The following DDR1 variants were observed in gnomAD, a reference collection of about 807,000 sequenced individuals.
DDR1 encodes epithelial discoidin domain-containing receptor 1.
In DDR1, 64 loss-of-function variants were observed where a neutral mutation model predicts 97.4. The observed-to-expected ratio is 0.66, with a 90% CI of 0.54 to 0.81. DDR1 has a LOEUF of 0.81. Ranked by LOEUF, DDR1 falls within the 30% of genes least tolerant of loss-of-function variation. DDR1 has a pLI of 0.00. For synonymous variants in DDR1, 458 were observed against 503.7 expected (o/e 0.91, Z 1.21); for missense variants, 990 against 1,259.6 (o/e 0.79, Z 3.24).
In DDR1 at chr6:30,889,098, G is replaced by T; in HGVS notation, c.188+88G>T. ...CCCTCCAACCCCTCTGCCCATGCCA[G>T]TGAAACCCCTGCAGGCTGAGGGGGC... On this transcript the variant is annotated intron_variant, in intron 3 of 17. Transcript: ENST00000376568. The surrounding 1 kb of genome is among the most constrained non-coding windows in gnomAD (Gnocchi z 4.9). The T allele has an allele frequency of 6.3e-7, 1 of 1,582,268 alleles. No individual in the cohort carries two copies. The highest frequency in any genetic ancestry group is 8.7e-7 in the Non-Finnish European group (1 of 1,153,304).
chr6:30,889,196 C>T lies in DDR1; in HGVS notation c.189-6C>T. On this transcript the variant is annotated splice_polypyrimidine_tract_variant and splice_region_variant and intron_variant, in intron 3 of 17. Transcript: ENST00000376568. This position sits in a 1 kb window ranked among gnomAD's most constrained non-coding sequence, Gnocchi z 4.9. The stretch of plus-strand genomic sequence containing the variant: ...AGATGTTCTCTGTGCCCCTCTTCAC[C>T]CTCAGGTTGGAGAGCAGTGACGGGG... 1 of 1,612,926 alleles carries T rather than the reference C, an allele frequency of 6.2e-7. No homozygotes were observed. Among genetic ancestry groups the T allele is most frequent in the Non-Finnish European group, 8.5e-7 (1 of 1,179,914 alleles).
Position 30,899,286 on chromosome 6 carries a change from A to G in DDR1, c.2732A>G (p.Asn911Ser), listed in dbSNP as rs758691978. ...CGGTTCCTGGCAGAGGATGCACTCA[A>G]CACGGTGTGAATCACACATCCAGCT... ...LHRFLAEDALNTV is the reference protein window; with the variant it reads ...LHRFLAEDALSTV The change falls in exon 18 of 18, where the codon AAC (asparagine) becomes AGC (serine). Residue 911 changes from asparagine (N) to serine (S), a missense_variant. Asn to Ser is a conservative substitution (Grantham distance 46, BLOSUM62 1). Transcript: ENST00000376568. 1.2e-6 allele frequency: 2 copies of G among 1,610,616 alleles called. No individual in the cohort carries two copies. Among genetic ancestry groups the G allele is most frequent in the Non-Finnish European group, 1.7e-6 (2 of 1,177,476 alleles).
At position 30,889,567 on chromosome 6, in the gene DDR1, A is replaced by G. The variant is rs1787245524; in HGVS notation, c.417+137A>G. On this transcript the variant is annotated intron_variant, in intron 4 of 17. Transcript: ENST00000376568. The surrounding 1 kb of genome is among the most constrained non-coding windows in gnomAD (Gnocchi z 4.9). ...AAGCCTCTCAGCTGAGCTCCAAACA[A>G]TATTGTAAACCTGGCCACCTTTTGG... The G allele has an allele frequency of 3.2e-6, 2 of 622,396 alleles. No individual in the cohort carries two copies. Among genetic ancestry groups the G allele is most frequent in the East Asian group, 3.2e-5 (1 of 31,374 alleles). The allele number at this position is 622,396 out of a possible 1,614,324, so 38.6% of individuals were successfully genotyped here.
At position 30,893,417 on chromosome 6, in the gene DDR1, C is replaced by G; in HGVS notation, c.1341C>G (p.Leu447=). 6.2e-7 allele frequency: 1 copy of G among 1,603,132 alleles called. No homozygotes were observed. The highest frequency in any genetic ancestry group is 8.5e-7 in the Non-Finnish European group (1 of 1,179,416). Residue 447 remains leucine (L), a synonymous_variant, in exon 10 of 18, where the codon CTC becomes CTG. Coordinates refer to ENST00000376568, the MANE Select transcript of DDR1 (RefSeq NM_001297654.2). ...MLWRLHWRRL[L]SKAERRVLEE... ...GGCGGCTGCACTGGCGCAGGCTCCT[C>G]AGCAAGGTGGGCACAGCCGTGGCAT...
chr6:30,892,399 G>A lies in DDR1; in HGVS notation c.956G>A (p.Arg319His), dbSNP rs2150356441. 2.5e-6 allele frequency: 4 copies of A among 1,598,832 alleles called. No homozygotes were observed. The highest frequency in any genetic ancestry group is 2.6e-6 in the Non-Finnish European group (3 of 1,176,042). Residue 319 changes from arginine to histidine, a missense_variant, in exon 8 of 18, where the codon CGC becomes CAC. Physicochemically the swap from Arg to His is conservative, Grantham distance 29 (BLOSUM62 0). Transcript: ENST00000376568. The stretch of plus-strand genomic sequence containing the variant: ...ATGGCCTGGGAGGGGGAGCCCATGC[G>A]CCACAACCTAGGGGGCAACCTGGGG... ...PAMAWEGEPM[R>H]HNLGGNLGDP...
At chr6:30,893,580 A>C (rs888828917) in intron 10 of DDR1, among the ~76,000 whole-genome samples, 157 bp downstream of exon 10, 2 of 152,244 alleles carry the variant, frequency 1.3e-5, no homozygotes, top group Non-Finnish European at 2.9e-5. Flanking sequence ...TATGGGGCTC[A>C]CAGGGAGGGC....
intron 1 of DDR1, among the ~76,000 whole-genome samples, chr6:30,887,847 A>C (rs911380514): frequency 6.6e-6 from 1 of 152,080 alleles, no homozygotes; most frequent in Non-Finnish European, 1.5e-5. Flanking sequence ...TGATCCTCCC[A>C]TCTCGGCCTC....
chr6:30,897,748 G>C lies in DDR1; in HGVS notation c.2216+151G>C, dbSNP rs142640915. 4.4e-6 allele frequency: 3 copies of C among 685,694 alleles called. No homozygotes were observed. Among genetic ancestry groups the C allele is most frequent in the Non-Finnish European group, 7.3e-6 (3 of 411,640 alleles). 42.5% of individuals were successfully genotyped at this position (685,694 alleles called of 1,614,324 possible). On this transcript the variant is annotated intron_variant, in intron 15 of 17. Transcript: ENST00000376568. This position sits in a 1 kb window ranked among gnomAD's most constrained non-coding sequence, Gnocchi z 5.2. ...GCCTGGGATAAGGAATGTGTGACAA[G>C]TTAACCCAGGAACATGGACAGAAAG...
rs573876857 is a variant in DDR1 at position 30,888,701 on chromosome 6, A to AC, written c.-24dup. ...TATCCCCTGCAGAGATGCTGCCCCC[A>AC]CCCCCTTAGGCCCGAGGGATCAGGA... On this transcript the variant is annotated 5_prime_UTR_variant, in exon 2 of 18. An upstream open reading frame in the 5' UTR loses its in-frame stop. Coordinates refer to ENST00000376568, the MANE Select transcript of DDR1 (RefSeq NM_001297654.2). This position sits in a 1 kb window ranked among gnomAD's most constrained non-coding sequence, Gnocchi z 4.2. The AC allele has an allele frequency of 1.2e-6, 2 of 1,611,160 alleles. No individual in the cohort carries two copies. Among genetic ancestry groups the AC allele is most frequent in the Non-Finnish European group, 8.5e-7 (1 of 1,179,574 alleles).
In DDR1 at chr6:30,888,553, G is replaced by A; in HGVS notation, c.-42-135G>A. The A allele has an allele frequency of 5.0e-6, 5 of 1,009,124 alleles. No homozygotes were observed. The highest frequency in any genetic ancestry group is 2.7e-5 in the Admixed American group (1 of 37,570). 62.5% of individuals were successfully genotyped at this position (1,009,124 alleles called of 1,614,324 possible). On this transcript the variant is annotated intron_variant, in intron 1 of 17. Coordinates refer to ENST00000376568, the MANE Select transcript of DDR1 (RefSeq NM_001297654.2). This position sits in a 1 kb window ranked among gnomAD's most constrained non-coding sequence, Gnocchi z 4.2. ...ACAGGGGAAGCATTCTAAAAATATA[G>A]CTGATGCTGTTAAACAATGACTGTT...
chr6:30,885,458 C>T (rs903754587), intron 1 of DDR1: 12 of 865,090 alleles, frequency 1.4e-5, no homozygotes, highest in Middle Eastern at 3.5e-4. Context: ...CACCCAGCGC[C>T]CACCTGTTCC....
In DDR1 at chr6:30,891,373, G is replaced by A; in HGVS notation, c.566-7G>A. The stretch of plus-strand genomic sequence containing the variant: ...CCTCTGACCCCCATCCTCTCACCCT[G>A]CCCCAGATGGACTCCTGTCTTACAC... On this transcript the variant is annotated splice_polypyrimidine_tract_variant and splice_region_variant and intron_variant, in intron 5 of 17. Coordinates refer to ENST00000376568, the MANE Select transcript of DDR1 (RefSeq NM_001297654.2). This position sits in a 1 kb window ranked among gnomAD's most constrained non-coding sequence, Gnocchi z 5.3. 6.2e-7 allele frequency: 1 copy of A among 1,610,080 alleles called. No homozygotes were observed. Among genetic ancestry groups the A allele is most frequent in the Non-Finnish European group, 8.5e-7 (1 of 1,177,710 alleles).
At position 30,898,103 on chromosome 6, in the gene DDR1, G is replaced by C. The variant is rs146993618; in HGVS notation, c.2247G>C (p.Gln749His). 6.4e-5 allele frequency: 103 copies of C among 1,614,228 alleles called. No homozygotes were observed. Among genetic ancestry groups the C allele is most frequent in the Admixed American group, 3.7e-4 (22 of 60,036 alleles). ...SYPMLLHVAAQIASGMRYLAT... is the reference protein window; with the variant it reads ...SYPMLLHVAAHIASGMRYLAT... ...CAATGCTGCTGCATGTGGCAGCCCAGATCGCCTCCGGCATGCGCTATCTGG... is the reference window on the plus strand; with the variant it reads ...CAATGCTGCTGCATGTGGCAGCCCACATCGCCTCCGGCATGCGCTATCTGG... The change falls in exon 16 of 18, where the codon CAG (glutamine) becomes CAC (histidine). Residue 749 changes from glutamine to histidine, a missense_variant. By Grantham distance (24) the Gln-to-His change is conservative. Transcript: ENST00000376568.
chr6:30,888,593 G>A lies in DDR1; in HGVS notation c.-42-95G>A. 1 of 1,365,164 alleles carries A rather than the reference G, an allele frequency of 7.3e-7. No individual in the cohort carries two copies. Among genetic ancestry groups the A allele is most frequent in the Admixed American group, 2.4e-5 (1 of 41,392 alleles). 84.6% of individuals were successfully genotyped at this position (1,365,164 alleles called of 1,614,324 possible). A position where few individuals can be genotyped will look rare whatever the true frequency, so the allele number is the denominator to read the frequency against. On this transcript the variant is annotated intron_variant, in intron 1 of 17. Transcript: ENST00000376568. The surrounding 1 kb of genome is among the most constrained non-coding windows in gnomAD (Gnocchi z 4.2). ...CAATGACTGTTGTTGTTGTTTTACTGTTATTATCCCCAAAGCGGCCCATTC... is the reference window on the plus strand; with the variant it reads ...CAATGACTGTTGTTGTTGTTTTACTATTATTATCCCCAAAGCGGCCCATTC...
chr6:30,885,094 C>T (rs1785291936), intron 1 of DDR1: 2 of 1,112,360 alleles, frequency 1.8e-6, no homozygotes, highest in Admixed American at 2.1e-5. Context: ...ACTGCTAAGC[C>T]TCCGCTCAGC....
In DDR1 at chr6:30,888,058, C is replaced by T. The variant is rs549822515; in HGVS notation, c.-42-630C>T. 3.9e-5 allele frequency among the ~76,000 whole-genome samples: 6 copies of T among 152,302 alleles called. No individual in the cohort carries two copies. In the South Asian group the frequency reaches 1.2e-3, roughly 32 times the overall value. ...GAGCATGGTGCCTCCCTTTTCATCA[C>T]TTTCTACCACTTTTATATGTTACAG... On this transcript the variant is annotated intron_variant, in intron 1 of 17. Coordinates refer to ENST00000376568, the MANE Select transcript of DDR1 (RefSeq NM_001297654.2). This position sits in a 1 kb window ranked among gnomAD's most constrained non-coding sequence, Gnocchi z 4.2.
At chr6:30,898,637 G>T (rs1486145760) in intron 16 of DDR1, among the ~76,000 whole-genome samples, 1 of 152,206 alleles carries the variant, frequency 6.6e-6, no homozygotes, top group Non-Finnish European at 1.5e-5. Flanking sequence ...GGTGGATGGA[G>T]AGGAAGGAGG....
At position 30,889,447 on chromosome 6, in the gene DDR1, C is replaced by CG; in HGVS notation, c.417+17_417+18insG. The CG allele has an allele frequency of 2.0e-6, 3 of 1,492,484 alleles. No individual in the cohort carries two copies. Among genetic ancestry groups the CG allele is most frequent in the African/African-American group, 1.4e-5 (1 of 71,970 alleles). 92.5% of individuals were successfully genotyped at this position (1,492,484 alleles called of 1,614,324 possible). On this transcript the variant is annotated intron_variant, in intron 4 of 17. Coordinates refer to ENST00000376568, the MANE Select transcript of DDR1 (RefSeq NM_001297654.2). The surrounding 1 kb of genome is among the most constrained non-coding windows in gnomAD (Gnocchi z 4.9). ...GGTCAGGAGGTGAGACTGGCAGGGGCAGCACCCAGAGGAGGTTGGCTCTCC... is the reference window on the plus strand; with the variant it reads ...GGTCAGGAGGTGAGACTGGCAGGGGCGAGCACCCAGAGGAGGTTGGCTCTCC...
Position 30,895,399 on chromosome 6 carries a change from G to A in DDR1, c.1514-5G>A, listed in dbSNP as rs1464375088. The A allele has an allele frequency of 3.7e-6, 6 of 1,605,022 alleles. No homozygotes were observed. Among genetic ancestry groups the A allele is most frequent in the Non-Finnish European group, 5.1e-6 (6 of 1,175,792 alleles). On this transcript the variant is annotated splice_polypyrimidine_tract_variant and splice_region_variant and intron_variant, in intron 11 of 17. Transcript: ENST00000376568. ...CCGTGTTTCCCCTCCTCCTTCTCCC[G>A]ACAGCGTTGCTGCTCTCCAATCCAG...
Sources: allele counts gnomAD v4.1 joint callset (sites outside exome capture counted in the v4.1 genomes callset), GRCh38; gene constraint gnomAD v4.1.1; non-coding constraint Gnocchi (gnomAD v3.1); transcripts MANE v1.5; gene names NCBI Gene and HGNC (gene_info 2026-07-23, HGNC 2026-07-21).